The following KHDRBS2 variants were observed in gnomAD, a reference collection of about 807,000 sequenced individuals.
KHDRBS2 encodes KH domain-containing, RNA-binding, signal transduction-associated protein 2.
A neutral mutation model predicts 44.3 loss-of-function variants in KHDRBS2; 26 were observed. The ratio of observed to expected loss-of-function variants is 0.59; its 90% CI spans 0.43 to 0.81. The LOEUF (loss-of-function observed/expected upper bound fraction) is 0.81. Ranked by LOEUF, KHDRBS2 falls within the 40% of genes least tolerant of loss-of-function variation. The pLI is 0.00. For synonymous variants in KHDRBS2, 194 were observed against 151.1 expected, an observed-to-expected ratio of 1.28 and a Z score of -2.08; for missense variants, 476 against 433.1, an observed-to-expected ratio of 1.10 and a Z score of -0.88.
At chr6:61,857,802 A>C (rs187049384) in intron 6 of KHDRBS2, among the ~76,000 whole-genome samples, 76 of 152,118 alleles carry the variant, frequency 5.0e-4, no homozygotes, top group African/African-American at 1.7e-3. Context: ...CCTTGAAATT[A>C]CTGGTATCCA....
chr6:62,172,052 T>C (rs1313571881), intron 2 of KHDRBS2, among the ~76,000 whole-genome samples: 1 of 152,150 alleles, frequency 6.6e-6, no homozygotes, highest in Non-Finnish European at 1.5e-5. Flanking sequence ...AATAACATGA[T>C]GACAGGATCA....
intron 8 of KHDRBS2, 40 bp from the exon 9 acceptor site, chr6:61,681,100 A>G: frequency 7.3e-7 from 1 of 1,360,936 alleles, no homozygotes; most frequent in Non-Finnish European, 1.0e-6. Context: ...ACATGACTTC[A>G]CAGTTACCAA....
chr6:62,106,667 G>C (rs1030526065), intron 2 of KHDRBS2, among the ~76,000 whole-genome samples: 2 of 152,060 alleles, frequency 1.3e-5, no homozygotes, highest in Non-Finnish European at 2.9e-5. Flanking sequence ...CAATATCCTT[G>C]ATGAACATTG....
At chr6:62,023,534 A>G (rs1301858666) in intron 3 of KHDRBS2, among the ~76,000 whole-genome samples, 1 of 151,680 alleles carries the variant, frequency 6.6e-6, no homozygotes, top group Non-Finnish European at 1.5e-5. Context: ...ATGTGGAAAG[A>G]AATATTTTTA....
At chr6:61,607,519 G>GAAAAAAAAAAAAAAAAAA in the KHDRBS2 span, among the ~76,000 whole-genome samples, 30 of 23,290 alleles carry the variant, frequency 1.3e-3, 2 homozygotes, top group Non-Finnish European at 1.8e-3. Context: ...TGAGTTCCAA[G>GAAAAAAAAAAAAAAAAAA]CAAAAAAAAA....
At chr6:62,105,520 C>T (rs1276811301) in intron 2 of KHDRBS2, among the ~76,000 whole-genome samples, 2 of 151,982 alleles carry the variant, frequency 1.3e-5, no homozygotes, top group East Asian at 1.9e-4. Flanking sequence ...GTGTATGTGT[C>T]GAGGAATTTA....
chr6:61,845,988 T>G (rs1393423830), intron 6 of KHDRBS2, among the ~76,000 whole-genome samples: 1 of 152,154 alleles, frequency 6.6e-6, no homozygotes, highest in Non-Finnish European at 1.5e-5. Context: ...ATAGTGAGTT[T>G]TCATGAGATC....
At chr6:61,848,348 T>C (rs892554079) in intron 6 of KHDRBS2, among the ~76,000 whole-genome samples, 1 of 148,716 alleles carries the variant, frequency 6.7e-6, no homozygotes, top group Non-Finnish European at 1.5e-5. Flanking sequence ...AAAGTGCTTA[T>C]GTAAGTGAAC....
intron 2 of KHDRBS2, among the ~76,000 whole-genome samples, chr6:62,082,280 CTTAGT>C (rs762583548): frequency 1.1e-4 from 16 of 149,326 alleles, no homozygotes; most frequent in Admixed American, 3.4e-4. Context: ...AAATGAAATT[CTTAGT>C]TTAAAGAGAG....
chr6:61,708,128 T>C (rs757913092), intron 7 of KHDRBS2, among the ~76,000 whole-genome samples: 1 of 151,714 alleles, frequency 6.6e-6, no homozygotes, highest in African/African-American at 2.4e-5. Flanking sequence ...TTAATCTCTC[T>C]GATATTAGAA....
intron 2 of KHDRBS2, among the ~76,000 whole-genome samples, chr6:62,124,140 C>T (rs1183913347): frequency 6.6e-6 from 1 of 152,154 alleles, no homozygotes; most frequent in Non-Finnish European, 1.5e-5. Context: ...AATATCAGTA[C>T]CCCCAGGGAT....
intron 6 of KHDRBS2, among the ~76,000 whole-genome samples, chr6:61,800,688 C>A (rs1446185905): frequency 1.3e-5 from 2 of 152,074 alleles, no homozygotes; most frequent in African/African-American, 4.8e-5. Flanking sequence ...GGGACATAGC[C>A]TTCATGTGTC....
the KHDRBS2 span, among the ~76,000 whole-genome samples, chr6:61,638,123 C>G: frequency 2.0e-5 from 3 of 152,116 alleles, no homozygotes; most frequent in Admixed American, 6.6e-5. Flanking sequence ...ATCAAGCTAC[C>G]AATGACTTTC....
At chr6:61,956,878 T>A (rs576868758) in intron 4 of KHDRBS2, among the ~76,000 whole-genome samples, 1 of 151,114 alleles carries the variant, frequency 6.6e-6, no homozygotes, top group Admixed American at 6.6e-5. Context: ...ACCTTATGCA[T>A]AGCAAACATT....
chr6:61,726,524 C>A (rs1332816516), intron 7 of KHDRBS2, among the ~76,000 whole-genome samples: 1 of 152,134 alleles, frequency 6.6e-6, no homozygotes, highest in Non-Finnish European at 1.5e-5. Flanking sequence ...CCAGAAAACT[C>A]ATCATCTCAG....
chr6:62,275,793 C>G (rs1652506323), intron 1 of KHDRBS2, among the ~76,000 whole-genome samples: 1 of 152,052 alleles, frequency 6.6e-6, no homozygotes. Context: ...TGGACATTTG[C>G]CTAACCTCTG....
At chr6:62,050,057 C>G (rs749740913) in intron 2 of KHDRBS2, among the ~76,000 whole-genome samples, 18 of 151,980 alleles carry the variant, frequency 1.2e-4, no homozygotes, top group Non-Finnish European at 2.4e-4. Flanking sequence ...CCATCAATAA[C>G]AGACTAGATA....
intron 7 of KHDRBS2, among the ~76,000 whole-genome samples, chr6:61,724,103 C>G (rs1322847114): frequency 6.6e-6 from 1 of 152,132 alleles, no homozygotes; most frequent in Non-Finnish European, 1.5e-5. Flanking sequence ...GCCTATCAGA[C>G]TAGTGGAGAA....
rs796742373 is a variant in KHDRBS2, at chr6:61,680,523, TACA to T, written c.*437_*439del. ...AAAAGACAGGTTAAAACATCTTATC[TACA>T]ACTTTATTATCAGCTAGTTCAAAAA... On this transcript the variant is annotated 3_prime_UTR_variant, in exon 9 of 9. Coordinates refer to ENST00000281156, the MANE Select transcript of KHDRBS2 (RefSeq NM_152688.4). 7 of 152,464 alleles carry T rather than the reference TACA, an allele frequency of 4.6e-5. No individual in the cohort carries two copies. The highest frequency in any genetic ancestry group is 1.7e-4 in the African/African-American group (7 of 41,476). The allele number at this position is 152,464 out of a possible 1,614,324, so 9.4% of individuals were successfully genotyped here. A position where few individuals can be genotyped will look rare whatever the true frequency, so the allele number is the denominator to read the frequency against.
Sources: gnomAD v4.1 joint callset for allele counts (sites outside exome capture counted in the v4.1 genomes callset) on GRCh38, gnomAD v4.1.1 for gene constraint, MANE v1.5 for transcripts, NCBI Gene and HGNC (gene_info 2026-07-23, HGNC 2026-07-21) for gene names.